MORC2: variants seen among roughly 807,000 people sequenced by gnomAD.
The protein encoded by MORC2 is ATPase MORC2.
In MORC2, 30 loss-of-function variants were observed where a neutral mutation model predicts 136.0. The ratio of observed to expected loss-of-function variants is 0.22; its 90% confidence interval spans 0.17 to 0.30. The LOEUF is 0.30. Among genes scored for constraint, MORC2 ranks in the 10% least tolerant of loss-of-function variants. The probability of loss-of-function intolerance (pLI) is 1.00; values close to 1 mark genes in which losing one functional copy is unlikely to be tolerated. For synonymous variants in MORC2, 439 were observed against 487.0 expected (o/e 0.90, Z 1.30); for missense variants, 922 against 1,333.1 (o/e 0.69, Z 4.80).
chr22:30,946,549 A>T, intron 5 of MORC2, 100 bp from the exon 6 acceptor site: 1 of 1,058,718 alleles, frequency 9.4e-7, no homozygotes, highest in South Asian at 1.6e-5. Context: ...GTGCCACTGG[A>T]GGGCTCTCCT....
Position 30,941,656 on chromosome 22 carries a change from T to C in MORC2, c.699-98A>G. 2.7e-6 allele frequency: 4 copies of C among 1,486,904 alleles called. No individual in the cohort carries two copies. Among genetic ancestry groups the C allele is most frequent in the Non-Finnish European group, 3.6e-6 (4 of 1,099,602 alleles). The allele number at this position is 1,486,904 out of a possible 1,614,324, so 92.1% of individuals were successfully genotyped here. On this transcript the variant is annotated intron_variant, in intron 8 of 25. Transcript: ENST00000397641. This position sits in a 1 kb window ranked among gnomAD's most constrained non-coding sequence, Gnocchi z 4.6. ...TCTGCAGGCTCTCCACCTTTCCATG[T>C]TAGGTACTGACTTCTGCTGCTGCCC...
chr22:30,928,062 T>G lies in MORC2; in HGVS notation c.2987A>C (p.Lys996Thr). 6.2e-7 allele frequency: 1 copy of G among 1,613,920 alleles called. No individual in the cohort carries two copies. Among genetic ancestry groups the G allele is most frequent in the East Asian group, 2.2e-5 (1 of 44,840 alleles). ...KLRETEEKLQKLRTNIVALLQ... is the reference protein window; with the variant it reads ...KLRETEEKLQTLRTNIVALLQ... ...GAGTGCCACGATGTTGGTCCTCAGCTTCTGCAGCTTCTCCTCCGTCTCGCG... is the reference window on the plus strand; with the variant it reads ...GAGTGCCACGATGTTGGTCCTCAGCGTCTGCAGCTTCTCCTCCGTCTCGCG... The change falls in exon 25 of 26, where the codon AAG (lysine) becomes ACG (threonine). Residue 996 changes from lysine (K) to threonine (T), a missense_variant. Physicochemically the swap from Lys to Thr is moderately conservative, Grantham distance 78. Transcript: ENST00000397641.
chr22:30,967,948 A>C lies in MORC2; in HGVS notation c.-59T>G. The C allele has an allele frequency of 7.3e-7, 1 of 1,370,710 alleles. No homozygotes were observed. The highest frequency in any genetic ancestry group is 2.5e-5 in the East Asian group (1 of 40,034). 84.9% of individuals were successfully genotyped at this position (1,370,710 alleles called of 1,614,324 possible). ...AACTGGGAAATATAACCTTATAATG[A>C]TATCGATTTCCCAGGATTCTGTCCA... On this transcript the variant is annotated 5_prime_UTR_variant, in exon 1 of 26. Coordinates refer to ENST00000397641, the MANE Select transcript of MORC2 (RefSeq NM_001303256.3).
At chr22:30,955,256 C>A (rs1181817237) in intron 3 of MORC2, among the ~76,000 whole-genome samples, 3 of 151,974 alleles carry the variant, frequency 2.0e-5, no homozygotes, top group Admixed American at 2.0e-4. Context: ...CCACGCCCAG[C>A]CTTGGCCTGA....
chr22:30,940,668 A>C, intron 10 of MORC2, 90 bp downstream of exon 10: 1 of 1,120,482 alleles, frequency 8.9e-7, no homozygotes, highest in Non-Finnish European at 1.4e-6. Flanking sequence ...TGAGTTGTGG[A>C]CTCAGCCTTT....
At chr22:30,950,282 G>T in intron 4 of MORC2, 95 bp downstream of exon 4, 1 of 1,279,398 alleles carries the variant, frequency 7.8e-7, no homozygotes, top group South Asian at 1.3e-5. Context: ...CATAACATTG[G>T]AGGCAACAGA....
intron 10 of MORC2, among the ~76,000 whole-genome samples, chr22:30,940,287 C>G (rs1033427487): frequency 6.8e-6 from 1 of 146,428 alleles, no homozygotes; most frequent in Non-Finnish European, 1.5e-5. Context: ...TGAACCAGAA[C>G]AGGTTTAAAA....
In MORC2 at chr22:30,958,624, G is replaced by C; in HGVS notation, c.122+17C>G. On this transcript the variant is annotated intron_variant, in intron 2 of 25. Transcript: ENST00000397641. The stretch of plus-strand genomic sequence containing the variant: ...TTTCCACTTCAAGCACAGATTGTAT[G>C]CCTGAAGACTACATACCTTGCATTA... The C allele has an allele frequency of 6.5e-7, 1 of 1,539,580 alleles. No individual in the cohort carries two copies. Among genetic ancestry groups the C allele is most frequent in the Non-Finnish European group, 8.8e-7 (1 of 1,137,906 alleles).
At chr22:30,940,251 C>T (rs1417210704) in intron 10 of MORC2, among the ~76,000 whole-genome samples, 2 of 150,326 alleles carry the variant, frequency 1.3e-5, no homozygotes, top group Non-Finnish European at 3.0e-5. Flanking sequence ...AAACCTATCA[C>T]GGAGGCCCCA....
chr22:30,940,615 T>C (rs1272805638), intron 10 of MORC2, 143 bp downstream of exon 10: 1 of 718,440 alleles, frequency 1.4e-6, no homozygotes, highest in Non-Finnish European at 2.5e-6. Context: ...TGAAAGGGGC[T>C]GCAAAGGAAC....
chr22:30,950,353 C>CCAAAAAAAAAAAAAAA, intron 4 of MORC2, 24 bp downstream of exon 4: 5 of 1,481,942 alleles, frequency 3.4e-6, no homozygotes, highest in Non-Finnish European at 4.7e-6. Flanking sequence ...CCCCACCCCC[C>CCAAAAAAAAAAAAAAA]AAAACAATAA....
intron 24 of MORC2, among the ~76,000 whole-genome samples, chr22:30,931,191 A>C (rs1169019985): frequency 6.6e-6 from 1 of 152,062 alleles, no homozygotes; most frequent in African/African-American, 2.4e-5. Context: ...TGCTACCCAA[A>C]TCACCCTCTT....
chr22:30,931,456 CA>C (rs559749781), intron 24 of MORC2, among the ~76,000 whole-genome samples: 9 of 152,200 alleles, frequency 5.9e-5, no homozygotes, highest in Non-Finnish European at 1.3e-4. Flanking sequence ...TCCTTCAGCT[CA>C]AAACTTTTGC....
chr22:30,958,906 A>C (rs892715094), intron 1 of MORC2: 3 of 466,442 alleles, frequency 6.4e-6, no homozygotes, highest in African/African-American at 4.0e-5. Flanking sequence ...AGAAATGATT[A>C]TTCTTCCTAT....
chr22:30,963,275 C>T, intron 1 of MORC2: 2 of 980,018 alleles, frequency 2.0e-6, no homozygotes, highest in South Asian at 9.4e-5. Context: ...AGCACCCGGC[C>T]TAGAAATTCT....
intron 6 of MORC2, 109 bp from the exon 7 acceptor site, chr22:30,942,380 G>T (rs1273111958): frequency 1.6e-6 from 2 of 1,263,882 alleles, no homozygotes; most frequent in Non-Finnish European, 2.2e-6. Context: ...CTGCCCTGTA[G>T]GTGAGGCCCA....
rs1030608092 is a variant in MORC2 at position 30,925,290 on chromosome 22, G to A, written c.*1513C>T. ...AAGTGGACCCCATGCTGCCTGAGAT[G>A]AAGAGAGAGAGCAGGATGGCAGAGG... On this transcript the variant is annotated 3_prime_UTR_variant, in exon 26 of 26. Coordinates refer to ENST00000397641, the MANE Select transcript of MORC2 (RefSeq NM_001303256.3). 6.9e-6 allele frequency: 2 copies of A among 289,102 alleles called. No individual in the cohort carries two copies. The highest frequency in any genetic ancestry group is 1.0e-4 in the East Asian group (1 of 9,828). 17.9% of individuals were successfully genotyped at this position (289,102 alleles called of 1,614,324 possible).
chr22:30,926,880 G>C lies in MORC2; in HGVS notation c.3031-9C>G, dbSNP rs558377610. ...GTGTTGATGTCTATGTCCTGGAATA[G>C]AGCAGGGTAGGGATCAACTGGGGGC... On this transcript the variant is annotated splice_polypyrimidine_tract_variant and intron_variant, in intron 25 of 25. Coordinates refer to ENST00000397641, the MANE Select transcript of MORC2 (RefSeq NM_001303256.3). The C allele has an allele frequency of 2.5e-6, 4 of 1,612,438 alleles. No individual in the cohort carries two copies. The highest frequency in any genetic ancestry group is 1.3e-5 in the African/African-American group (1 of 74,968).
chr22:30,946,077 C>T (rs1321749373), intron 6 of MORC2, among the ~76,000 whole-genome samples: 1 of 152,194 alleles, frequency 6.6e-6, no homozygotes, highest in Non-Finnish European at 1.5e-5. Flanking sequence ...AAATCCAACT[C>T]TTAATTCCTG....
Sources: allele counts gnomAD v4.1 joint callset (sites outside exome capture counted in the v4.1 genomes callset), GRCh38; gene constraint gnomAD v4.1.1; non-coding constraint Gnocchi (gnomAD v3.1); transcripts MANE v1.5; gene names NCBI Gene and HGNC (gene_info 2026-07-23, HGNC 2026-07-21).